The following ZNF157 variants were observed in gnomAD, a reference collection of about 807,000 sequenced individuals.
ZNF157 encodes zinc finger protein 157.
In ZNF157, 8 loss-of-function variants were observed where a neutral mutation model predicts 9.4. The observed-to-expected ratio is 0.85, with a 90% CI of 0.50 to 1.53. The LOEUF (loss-of-function observed/expected upper bound fraction) is 1.53. ZNF157 is among the 40% of genes most tolerant of loss of function. The pLI, the probability that ZNF157 is intolerant of heterozygous loss-of-function variation, is 0.00. For missense variants in ZNF157, 316 were observed against 385.2 expected, an observed-to-expected ratio of 0.82 and a Z score of 1.50; for synonymous variants, 120 against 130.8, an observed-to-expected ratio of 0.92 and a Z score of 0.56.
At chrX:47,410,890 T>C (rs2055962546) in intron 3 of ZNF157, 115 bp downstream of exon 3, 2 of 587,860 alleles carry the variant, frequency 3.4e-6, no homozygotes, top group Admixed American at 3.4e-5. Context: ...TTAGAGTTCC[T>C]AGCTCTTTGA....
At chrX:47,377,092 C>T (rs2055846908) in intron 1 of ZNF157, among the ~76,000 whole-genome samples, 1 of 110,948 alleles carries the variant, frequency 9.0e-6, no homozygotes, top group African/African-American at 3.3e-5. Flanking sequence ...ACACCCAGAT[C>T]GATAAATTGG....
intron 1 of ZNF157, among the ~76,000 whole-genome samples, chrX:47,387,143 T>A (rs1478463375): frequency 3.0e-5 from 3 of 98,979 alleles, no homozygotes; most frequent in Non-Finnish European, 4.1e-5. Context: ...TTTTTTTGAG[T>A]CAGAGTTTCG....
chrX:47,413,701 G>A lies in ZNF157; in HGVS notation c.*107G>A, dbSNP rs916919156. ...CTACATTTGTATCAAAGTATGTCCTGATCCCCTTAGGGGATAGCTCATTGT... is the reference window on the plus strand; with the variant it reads ...CTACATTTGTATCAAAGTATGTCCTAATCCCCTTAGGGGATAGCTCATTGT... On this transcript the variant is annotated 3_prime_UTR_variant, in exon 4 of 4. Coordinates refer to ENST00000377073, the MANE Select transcript of ZNF157 (RefSeq NM_003446.4). 8 of 1,088,821 alleles carry A rather than the reference G, an allele frequency of 7.3e-6. No individual in the cohort carries two copies. Among genetic ancestry groups the A allele is most frequent in the Non-Finnish European group, 8.5e-6 (7 of 824,695 alleles). 89.7% of individuals were successfully genotyped at this position (1,088,821 alleles called of 1,213,427 possible).
At chrX:47,373,466 C>A (rs2055834635) in intron 1 of ZNF157, among the ~76,000 whole-genome samples, 1 of 111,007 alleles carries the variant, frequency 9.0e-6, no homozygotes, top group Non-Finnish European at 1.9e-5. Flanking sequence ...TTTGATAACG[C>A]CAAGGTAGCA....
At chrX:47,405,101 G>T (rs1479096633) in intron 1 of ZNF157, among the ~76,000 whole-genome samples, 1 of 110,967 alleles carries the variant, frequency 9.0e-6, no homozygotes, top group Non-Finnish European at 1.9e-5. Flanking sequence ...CAAGAAGAAG[G>T]GGGAGGCCGG....
At chrX:47,373,864 A>AG (rs1556816453) in intron 1 of ZNF157, among the ~76,000 whole-genome samples, 68 of 99,064 alleles carry the variant, frequency 6.9e-4, no homozygotes, top group African/African-American at 2.5e-3. Context: ...ATTAAAAAAA[A>AG]TTTTTTTTTT....
intron 1 of ZNF157, among the ~76,000 whole-genome samples, chrX:47,409,898 C>G (rs1032320281): frequency 9.0e-6 from 1 of 111,488 alleles, no homozygotes; most frequent in Non-Finnish European, 1.9e-5. Context: ...ATCCACCCAG[C>G]TTGGCCTCCC....
At chrX:47,376,329 C>T (rs1278211701) in intron 1 of ZNF157, among the ~76,000 whole-genome samples, 1 of 112,203 alleles carries the variant, frequency 8.9e-6, no homozygotes, top group Non-Finnish European at 1.9e-5. Context: ...TAAGAAACTG[C>T]CCAGGCAGGG....
chrX:47,383,684 GAAAAAA>G (rs11324804), intron 1 of ZNF157, among the ~76,000 whole-genome samples: 1 of 41,586 alleles, frequency 2.4e-5, no homozygotes, highest in East Asian at 8.9e-4. Context: ...CTCTGTCTCA[GAAAAAA>G]AAAAAAAAAA....
intron 1 of ZNF157, among the ~76,000 whole-genome samples, chrX:47,399,833 T>G (rs1323715593): frequency 9.0e-6 from 1 of 110,703 alleles, no homozygotes; most frequent in Non-Finnish European, 1.9e-5. Flanking sequence ...GCATACACCA[T>G]CATGCCTAGT....
At chrX:47,407,654 G>A (rs1208348852) in intron 1 of ZNF157, among the ~76,000 whole-genome samples, 1 of 111,354 alleles carries the variant, frequency 9.0e-6, no homozygotes, top group African/African-American at 3.3e-5. Flanking sequence ...TTTTAATGTC[G>A]TTAGAGGTAT....
chrX:47,412,796 T>G lies in ZNF157; in HGVS notation c.723T>G (p.Thr241=). ...SQLILHTRTH[T]GERPYECTEC... ...TCATCCTACATACAAGAACACACAC[T>G]GGAGAGAGACCCTATGAATGTACTG... The change falls in exon 4 of 4, where the codon ACT becomes ACG. Residue 241 remains threonine, a synonymous_variant. Coordinates refer to ENST00000377073, the MANE Select transcript of ZNF157 (RefSeq NM_003446.4). 3 of 1,208,335 alleles carry G rather than the reference T, an allele frequency of 2.5e-6. No homozygotes were observed. The highest frequency in any genetic ancestry group is 3.4e-6 in the Non-Finnish European group (3 of 894,307).
At chrX:47,383,618 G>A (rs1478233034) in intron 1 of ZNF157, among the ~76,000 whole-genome samples, 1 of 101,306 alleles carries the variant, frequency 9.9e-6, no homozygotes, top group Non-Finnish European at 2.0e-5. Flanking sequence ...TGAGGTGGGA[G>A]GATCACTTGA....
intron 1 of ZNF157, among the ~76,000 whole-genome samples, chrX:47,402,702 G>A (rs948707500): frequency 9.3e-6 from 1 of 107,550 alleles, no homozygotes; most frequent in Non-Finnish European, 1.9e-5. Context: ...ACCACGCCCG[G>A]CTAATTTTTG....
intron 1 of ZNF157, among the ~76,000 whole-genome samples, chrX:47,389,159 T>G (rs1428769048): frequency 9.0e-6 from 1 of 111,144 alleles, no homozygotes; most frequent in Non-Finnish European, 1.9e-5. Flanking sequence ...ATATTACAGG[T>G]CTTCTGTGGC....
chrX:47,396,838 C>A (rs1377497010), intron 1 of ZNF157, among the ~76,000 whole-genome samples: 2 of 111,965 alleles, frequency 1.8e-5, no homozygotes, highest in East Asian at 5.6e-4. Flanking sequence ...ACAATCATGG[C>A]GGAAGGCAAA....
chrX:47,397,829 T>A (rs919425282), intron 1 of ZNF157, among the ~76,000 whole-genome samples: 1 of 110,257 alleles, frequency 9.1e-6, no homozygotes, highest in African/African-American at 3.3e-5. Context: ...TGTGGCAGTC[T>A]TAGCTTCCAG....
In ZNF157 at chrX:47,370,732, T is replaced by C; in HGVS notation, c.64T>C (p.Ser22Pro). 1 of 1,199,789 alleles carries C rather than the reference T, an allele frequency of 8.3e-7. No homozygotes were observed. Among genetic ancestry groups the C allele is most frequent in the Middle Eastern group, 2.4e-4 (1 of 4,209 alleles). ...PALIPGEPGR[S>P]FEGSVSFEDV... ...CCTGATTCCAGGAGAACCTGGCAGA[T>C]CTTTTGAGGTAAGGAGGAGGATCCT... The change falls in exon 1 of 4, where the codon TCT becomes CCT. Residue 22 changes from serine to proline, a missense_variant. Physicochemically the swap from Ser to Pro is moderately conservative, Grantham distance 74. Transcript: ENST00000377073.
chrX:47,396,454 G>T (rs1006653427), intron 1 of ZNF157, among the ~76,000 whole-genome samples: 6 of 110,660 alleles, frequency 5.4e-5, no homozygotes, highest in African/African-American at 1.6e-4. Flanking sequence ...CAGGAGAACC[G>T]CTTGAACCCA....
Sources: allele counts gnomAD v4.1 joint callset (sites outside exome capture counted in the v4.1 genomes callset), GRCh38; gene constraint gnomAD v4.1.1; transcripts MANE v1.5; gene names NCBI Gene and HGNC (gene_info 2026-07-23, HGNC 2026-07-21).